DNAH11: variants seen among roughly 807,000 people sequenced by gnomAD.
DNAH11 encodes axonemal beta dynein heavy chain 11.
DNAH11 carries 442 observed loss-of-function variants against 526.0 expected under a neutral mutation model. That is an observed-to-expected ratio of 0.84 (90% CI 0.78 to 0.91). DNAH11 has a LOEUF of 0.91. Ranked by LOEUF, DNAH11 falls within the 40% of genes least tolerant of loss-of-function variation. The pLI is 0.00. For missense variants in DNAH11, 6,989 were observed against 5,448.7 expected (o/e 1.28, Z -8.90); for synonymous variants, 2,461 against 1,935.9 (o/e 1.27, Z -7.12).
chr7:21,573,025 A>G (rs1041567187), intron 8 of DNAH11, among the ~76,000 whole-genome samples: 1 of 152,188 alleles, frequency 6.6e-6, no homozygotes, highest in Non-Finnish European at 1.5e-5. Context: ...GAGGAGTGTG[A>G]GACTGAGCCT....
chr7:21,556,426 G>A (rs1437430030), intron 2 of DNAH11, among the ~76,000 whole-genome samples: 1 of 152,200 alleles, frequency 6.6e-6, no homozygotes, highest in East Asian at 1.9e-4. Flanking sequence ...CTTTGAGCCT[G>A]ACTTTTAGAA....
chr7:21,773,170 G>C (rs1391513999), intron 55 of DNAH11, among the ~76,000 whole-genome samples: 1 of 152,030 alleles, frequency 6.6e-6, no homozygotes, highest in African/African-American at 2.4e-5. Context: ...TATAGTGGGG[G>C]GTCTTCCAGT....
chr7:21,760,002 GA>G (rs1244973534), intron 54 of DNAH11, among the ~76,000 whole-genome samples: 7 of 152,094 alleles, frequency 4.6e-5, no homozygotes, highest in African/African-American at 1.4e-4. Flanking sequence ...GAGAATTTGA[GA>G]AAAGAGCACA....
intron 14 of DNAH11, among the ~76,000 whole-genome samples, chr7:21,598,871 G>C (rs1212997463): frequency 6.6e-6 from 1 of 152,164 alleles, no homozygotes; most frequent in African/African-American, 2.4e-5. Flanking sequence ...AGTTTGCTGA[G>C]GATAATGGCC....
chr7:21,645,254 G>T (rs890737313), intron 28 of DNAH11, among the ~76,000 whole-genome samples: 1 of 152,212 alleles, frequency 6.6e-6, no homozygotes, highest in African/African-American at 2.4e-5. Flanking sequence ...AGGTTGTTCA[G>T]TTCCAGCTTG....
Position 21,717,912 on chromosome 7 carries a change from G to C in DNAH11, c.7121G>C (p.Ser2374Thr). 3.1e-6 allele frequency: 5 copies of C among 1,612,922 alleles called. No homozygotes were observed. Among genetic ancestry groups the C allele is most frequent in the Non-Finnish European group, 3.4e-6 (4 of 1,179,232 alleles). The change falls in exon 43 of 82, where the codon AGT becomes ACT. Residue 2374 changes from serine to threonine, a missense_variant. Coordinates refer to ENST00000409508, the MANE Select transcript of DNAH11 (RefSeq NM_001277115.2). Reference sequence around the variant, plus strand: ...AAAACCATCACTTCAATTCCTGAGAGTAGCCTGGTGCAGGTTTGTCTTCGG... The same window carrying C: ...AAAACCATCACTTCAATTCCTGAGACTAGCCTGGTGCAGGTTTGTCTTCGG... ...SFKTITSIPE[S>T]SLVQTLCVLL...
intron 25 of DNAH11, among the ~76,000 whole-genome samples, chr7:21,631,245 C>A (rs1367113441): frequency 6.6e-6 from 1 of 152,178 alleles, no homozygotes; most frequent in East Asian, 1.9e-4. Context: ...CCCACTGGGT[C>A]CTTCTCACAA....
intron 60 of DNAH11, among the ~76,000 whole-genome samples, chr7:21,788,030 T>G (rs1178842898): frequency 6.6e-6 from 1 of 152,168 alleles, no homozygotes; most frequent in African/African-American, 2.4e-5. Context: ...TAATGACAGG[T>G]AAGTTTTGTG....
chr7:21,551,116 A>G (rs1453581887), intron 2 of DNAH11, among the ~76,000 whole-genome samples: 4 of 152,092 alleles, frequency 2.6e-5, no homozygotes, highest in Admixed American at 2.0e-4. Context: ...TAGTTTTCTC[A>G]TGGAGTTTAC....
In DNAH11 at chr7:21,744,936, G is replaced by A; in HGVS notation, c.8383G>A (p.Asp2795Asn). 1.9e-6 allele frequency: 3 copies of A among 1,610,868 alleles called. No homozygotes were observed. Among genetic ancestry groups the A allele is most frequent in the Non-Finnish European group, 2.5e-6 (3 of 1,178,558 alleles). ...TTGCCACTTTGCTGATAGAGGGAAGGACCCACATTACATGCCAGTGAAGGA... is the reference window on the plus strand; with the variant it reads ...TTGCCACTTTGCTGATAGAGGGAAGAACCCACATTACATGCCAGTGAAGGA... ...IYCHFADRGK[D>N]PHYMPVKDWE... Residue 2795 changes from aspartate (D) to asparagine (N), a missense_variant, in exon 51 of 82, where the codon GAC (aspartate) becomes AAC (asparagine). Asp to Asn is a conservative substitution (Grantham distance 23, BLOSUM62 1). Coordinates refer to ENST00000409508, the MANE Select transcript of DNAH11 (RefSeq NM_001277115.2).
chr7:21,823,318 GT>G (rs549909872), intron 65 of DNAH11, among the ~76,000 whole-genome samples: 191 of 151,962 alleles, frequency 1.3e-3, no homozygotes, highest in Non-Finnish European at 7.4e-4. Context: ...CCCCATCAAT[GT>G]TTTGGAAACT....
intron 25 of DNAH11, among the ~76,000 whole-genome samples, chr7:21,632,368 G>A (rs1298300479): frequency 2.0e-5 from 3 of 152,188 alleles, no homozygotes; most frequent in Non-Finnish European, 4.4e-5. Flanking sequence ...CTGCAGTCAG[G>A]TTGAATTTCT....
rs530929619 is a variant in DNAH11 at position 21,589,155 on chromosome 7, C to T, written c.1974-53C>T. 1,168 of 1,347,918 alleles carry T rather than the reference C, an allele frequency of 8.7e-4. 1 individual carries two copies. Among genetic ancestry groups the T allele is most frequent in the Middle Eastern group, 2.1e-3 (8 of 3,856 alleles). The allele number at this position is 1,347,918 out of a possible 1,614,324, so 83.5% of individuals were successfully genotyped here. On this transcript the variant is annotated intron_variant, in intron 11 of 81. Transcript: ENST00000409508. ...ATTGTATTACTATACAATTATTAAG[C>T]GGAAATCTATCTAATATACGTATAA... is the stretch of plus-strand genomic sequence containing the variant.
At chr7:21,817,572 A>G (rs1789855517) in intron 64 of DNAH11, among the ~76,000 whole-genome samples, 1 of 149,596 alleles carries the variant, frequency 6.7e-6, no homozygotes. Context: ...GCCTACCTGT[A>G]GTCCCAGCTA....
intron 63 of DNAH11, among the ~76,000 whole-genome samples, chr7:21,812,495 A>C (rs1380204856): frequency 6.8e-6 from 1 of 147,716 alleles, no homozygotes; most frequent in African/African-American, 2.5e-5. Context: ...ACAGTGAGAC[A>C]CTATCTATAT....
chr7:21,860,603 T>A (rs6976527), intron 68 of DNAH11, among the ~76,000 whole-genome samples: 31,301 of 152,194 alleles, frequency 0.21, 3,748 homozygotes, highest in Non-Finnish European at 0.27. Context: ...CAGTTGAATA[T>A]TCTTTTGCCT....
intron 45 of DNAH11, among the ~76,000 whole-genome samples, chr7:21,731,552 C>G (rs904670725): frequency 2.0e-5 from 3 of 152,190 alleles, no homozygotes; most frequent in Non-Finnish European, 4.4e-5. Context: ...AGAATAATCT[C>G]TATTTTCTGA....
chr7:21,784,053 G>A (rs116140897), intron 57 of DNAH11, among the ~76,000 whole-genome samples: 1,977 of 152,268 alleles, frequency 0.013, 32 homozygotes, highest in African/African-American at 0.04. Flanking sequence ...TGTGGTCTAG[G>A]TTACTAAGCT....
chr7:21,681,610 A>C lies in DNAH11; in HGVS notation c.5393A>C (p.Lys1798Thr). The change falls in exon 31 of 82, where the codon AAG becomes ACG. Residue 1798 changes from lysine (K) to threonine (T), a missense_variant. Transcript: ENST00000409508. ...GAACTTCCACCTGGAGACAGACAGA[A>C]GATCATGACAATTTGTACCATAGAT... ...LGELPPGDRQ[K>T]IMTICTIDVH... 1 of 1,613,932 alleles carries C rather than the reference A, an allele frequency of 6.2e-7. No individual in the cohort carries two copies. The highest frequency in any genetic ancestry group is 1.3e-5 in the African/African-American group (1 of 75,046).
Sources: allele counts gnomAD v4.1 joint callset (sites outside exome capture counted in the v4.1 genomes callset), GRCh38; gene constraint gnomAD v4.1.1; transcripts MANE v1.5; gene names NCBI Gene and HGNC (gene_info 2026-07-23, HGNC 2026-07-21).